Variants in SCUBE1 observed in about 807,000 individuals in gnomAD.
The protein encoded by SCUBE1 is signal peptide, CUB and EGF-like domain-containing protein 1.
Under a neutral mutation model 124.4 loss-of-function variants are expected in SCUBE1, and 59 were observed. The ratio of observed to expected loss-of-function variants is 0.47; its 90% CI spans 0.38 to 0.59. SCUBE1 has a LOEUF of 0.59. Among genes scored for constraint, SCUBE1 ranks in the 20% least tolerant of loss-of-function variants. The pLI, the probability that SCUBE1 is intolerant of heterozygous loss-of-function variation, is 0.00. For missense variants in SCUBE1, 1,150 were observed against 1,371.2 expected, an observed-to-expected ratio of 0.84 and a Z score of 2.55; for synonymous variants, 545 against 550.9, an observed-to-expected ratio of 0.99 and a Z score of 0.15.
intron 4 of SCUBE1, among the ~76,000 whole-genome samples, chr22:43,267,008 C>G (rs1924095811): frequency 6.6e-6 from 1 of 152,162 alleles, no homozygotes; most frequent in African/African-American, 2.4e-5. Context: ...ATCTTTGCCC[C>G]TGAGAGTTGC....
intron 6 of SCUBE1, among the ~76,000 whole-genome samples, chr22:43,254,446 C>T (rs1450079082): frequency 2.0e-5 from 3 of 152,184 alleles, no homozygotes; most frequent in East Asian, 1.9e-4. Flanking sequence ...ATGAGGGCCA[C>T]GAAACAAAGC....
chr22:43,294,515 C>T (rs941615143), intron 3 of SCUBE1, among the ~76,000 whole-genome samples: 2 of 152,192 alleles, frequency 1.3e-5, no homozygotes, highest in Non-Finnish European at 2.9e-5. Context: ...CACACACCGC[C>T]CCATGGTCCC....
intron 4 of SCUBE1, among the ~76,000 whole-genome samples, chr22:43,290,765 C>A (rs1925327489): frequency 6.6e-6 from 1 of 152,232 alleles, no homozygotes; most frequent in Non-Finnish European, 1.5e-5. Context: ...AGCCAGCCCC[C>A]AACTCAGAAA....
At chr22:43,286,707 C>T (rs1230313035) in intron 4 of SCUBE1, among the ~76,000 whole-genome samples, 4 of 152,228 alleles carry the variant, frequency 2.6e-5, no homozygotes, top group Non-Finnish European at 5.9e-5. Context: ...ATCCCCTGTC[C>T]AGGCTGAAAG....
chr22:43,208,318 T>C, intron 19 of SCUBE1, 94 bp from the exon 20 acceptor site: 5 of 1,187,830 alleles, frequency 4.2e-6, no homozygotes, highest in Non-Finnish European at 2.5e-6. Context: ...ACCCAGCACC[T>C]GCACCGAACG....
chr22:43,260,922 T>C (rs1923847938), intron 5 of SCUBE1, among the ~76,000 whole-genome samples: 1 of 152,330 alleles, frequency 6.6e-6, no homozygotes, highest in Non-Finnish European at 1.5e-5. Flanking sequence ...AACTCCTCCT[T>C]GTAGTGCTTG....
intron 6 of SCUBE1, among the ~76,000 whole-genome samples, chr22:43,245,327 G>A (rs916260): frequency 0.093 from 14,137 of 152,254 alleles, 670 homozygotes; most frequent in South Asian, 0.16. Flanking sequence ...ACGCCTCCCC[G>A]CCTGCCTCTA....
chr22:43,228,804 G>A (rs1196317604), intron 9 of SCUBE1, among the ~76,000 whole-genome samples: 1 of 152,242 alleles, frequency 6.6e-6, no homozygotes, highest in Admixed American at 6.5e-5. Context: ...AGTAAATGGG[G>A]TTTCCAGCCC....
At position 43,310,614 on chromosome 22, in the gene SCUBE1, C is replaced by G. The variant is rs189436405; in HGVS notation, c.349+9323G>C. Among the ~76,000 whole-genome samples the G allele has an allele frequency of 2.2e-3, 339 of 152,328 alleles. 1 individual carries two copies. Among genetic ancestry groups the G allele is most frequent in the African/African-American group, 8.0e-3 (333 of 41,560 alleles). On this transcript the variant is annotated intron_variant, in intron 3 of 21. Transcript: ENST00000360835. ...ACCGTGGAGCAGAGACTAGTTGATCCTGTCTGACTTCTTGCGCCACAGAAT... is the reference window on the plus strand; with the variant it reads ...ACCGTGGAGCAGAGACTAGTTGATCGTGTCTGACTTCTTGCGCCACAGAAT...
chr22:43,335,777 G>A (rs1310853461), intron 2 of SCUBE1, among the ~76,000 whole-genome samples: 1 of 145,206 alleles, frequency 6.9e-6, no homozygotes, highest in Non-Finnish European at 1.5e-5. Flanking sequence ...TGATGATGAT[G>A]GTGATGGTGA....
chr22:43,336,564 G>A (rs1265252574), intron 2 of SCUBE1, among the ~76,000 whole-genome samples: 1 of 152,200 alleles, frequency 6.6e-6, no homozygotes, highest in Non-Finnish European at 1.5e-5. Context: ...GGCATGGCCT[G>A]AGTTTGACAG....
intron 10 of SCUBE1, among the ~76,000 whole-genome samples, chr22:43,223,703 C>T (rs888684682): frequency 2.6e-5 from 4 of 152,230 alleles, no homozygotes; most frequent in African/African-American, 4.8e-5. Flanking sequence ...AAAAGTCCCC[C>T]GGACTCCTAG....
At chr22:43,287,370 C>T (rs540951020) in intron 4 of SCUBE1, among the ~76,000 whole-genome samples, 69 of 152,362 alleles carry the variant, frequency 4.5e-4, no homozygotes, top group African/African-American at 1.5e-3. Flanking sequence ...GAAAATTCGA[C>T]AGCTAGGCCC....
In SCUBE1 at chr22:43,341,146, CG is replaced by C. The variant is rs552714360; in HGVS notation, c.89-1912del. ...ACACACGGCAGGTGGCATTGCTTTCCGGGGGGGGCTACCCATCTGCTCAGGT... is the reference window on the plus strand; with the variant it reads ...ACACACGGCAGGTGGCATTGCTTTCCGGGGGGGCTACCCATCTGCTCAGGT... On this transcript the variant is annotated intron_variant, in intron 1 of 21. Coordinates refer to ENST00000360835, the MANE Select transcript of SCUBE1 (RefSeq NM_173050.5). Among the ~76,000 whole-genome samples, 191 of 141,412 alleles carry C rather than the reference CG, an allele frequency of 1.4e-3. 3 individuals are homozygous for C. The East Asian group carries it at 0.03, about 22-fold the overall frequency. The allele number at this position is 141,412 out of a possible 152,430, so 92.8% of individuals were successfully genotyped here. A position where few individuals can be genotyped will look rare whatever the true frequency, so the allele number is the denominator to read the frequency against.
chr22:43,268,944 C>T (rs989718899), intron 4 of SCUBE1, among the ~76,000 whole-genome samples: 13 of 152,170 alleles, frequency 8.5e-5, no homozygotes, highest in South Asian at 6.2e-4. Context: ...CCTGGTAGAA[C>T]GGCAGTGGTT....
intron 10 of SCUBE1, among the ~76,000 whole-genome samples, chr22:43,226,728 G>C (rs540543722): frequency 3.2e-4 from 49 of 152,066 alleles, no homozygotes; most frequent in Admixed American, 2.6e-3. Context: ...GTGTGGCGGG[G>C]CAAGGACCCG....
chr22:43,309,105 A>C (rs900024813), intron 3 of SCUBE1, among the ~76,000 whole-genome samples: 1 of 152,038 alleles, frequency 6.6e-6, no homozygotes. Flanking sequence ...CACACGGCCC[A>C]GGCCCAGGCT....
At chr22:43,231,463 G>C (rs559124814) in intron 8 of SCUBE1, among the ~76,000 whole-genome samples, 3 of 152,360 alleles carry the variant, frequency 2.0e-5, no homozygotes, top group Admixed American at 1.3e-4. Context: ...TCGATGCTGG[G>C]AGGCCCGTGG....
chr22:43,230,634 G>T (rs1922513737), intron 8 of SCUBE1, among the ~76,000 whole-genome samples: 1 of 152,214 alleles, frequency 6.6e-6, no homozygotes. Context: ...CCCTGATAGG[G>T]CCTGGACAGA....
Sources: gnomAD v4.1 joint callset for allele counts (sites outside exome capture counted in the v4.1 genomes callset) on GRCh38, gnomAD v4.1.1 for gene constraint, MANE v1.5 for transcripts, NCBI Gene and HGNC (gene_info 2026-07-23, HGNC 2026-07-21) for gene names.